HCK: variants seen among roughly 807,000 people sequenced by gnomAD.
The protein encoded by HCK is tyrosine-protein kinase HCK.
A neutral mutation model predicts 70.4 loss-of-function variants in HCK; 40 were observed. The observed-to-expected ratio is 0.57, with a 90% CI of 0.44 to 0.74. The LOEUF (loss-of-function observed/expected upper bound fraction) is 0.74, where lower values mean the gene tolerates loss of function less well. HCK is among the 30% of genes least tolerant of loss of function. The pLI, the probability that HCK is intolerant of heterozygous loss-of-function variation, is 0.00. For synonymous variants in HCK, 245 were observed against 263.2 expected, an observed-to-expected ratio of 0.93 and a Z score of 0.67; for missense variants, 568 against 697.2, an observed-to-expected ratio of 0.81 and a Z score of 2.09.
At chr20:32,053,776 C>T (rs562666523) in intron 1 of HCK, among the ~76,000 whole-genome samples, 1 of 152,118 alleles carries the variant, frequency 6.6e-6, no homozygotes, top group East Asian at 1.9e-4. Flanking sequence ...CCTACATCAG[C>T]ATCACCTGGA....
chr20:32,053,748 C>T (rs954910783), intron 1 of HCK, among the ~76,000 whole-genome samples: 1 of 152,038 alleles, frequency 6.6e-6, no homozygotes, highest in Non-Finnish European at 1.5e-5. Flanking sequence ...CATATGGCCC[C>T]GTGTTCTCAG....
chr20:32,069,831 C>T lies in HCK; in HGVS notation c.63-1831C>T, dbSNP rs572268870. 5.9e-5 allele frequency: 61 copies of T among 1,032,910 alleles called. 1 individual carries two copies. The South Asian group carries it at 6.5e-4, about 11-fold the overall frequency. 64.0% of individuals were successfully genotyped at this position (1,032,910 alleles called of 1,614,324 possible). A position where few individuals can be genotyped will look rare whatever the true frequency, so the allele number is the denominator to read the frequency against. On this transcript the variant is annotated intron_variant, in intron 1 of 12. Coordinates refer to ENST00000375852, the MANE Select transcript of HCK (RefSeq NM_002110.5). ...AAGCCTAGGAGTTTGGGGTTTTTTTCCTTAAACCACAAATACATGTTTATT... is the reference window on the plus strand; with the variant it reads ...AAGCCTAGGAGTTTGGGGTTTTTTTTCTTAAACCACAAATACATGTTTATT...
intron 1 of HCK, among the ~76,000 whole-genome samples, chr20:32,060,582 C>T (rs535081793): frequency 6.6e-6 from 1 of 152,288 alleles, no homozygotes; most frequent in East Asian, 1.9e-4. Context: ...CTGGGGGCAT[C>T]CAGCAGACTA....
chr20:32,076,778 A>G lies in HCK; in HGVS notation c.428+2057A>G, dbSNP rs192022132. On this transcript the variant is annotated intron_variant, in intron 5 of 12. Coordinates refer to ENST00000375852, the MANE Select transcript of HCK (RefSeq NM_002110.5). ...TGCTGCTCCAGGGACCCAGCTTGGG[A>G]ACCACTGATCTAAATACGCATATCT... Among the ~76,000 whole-genome samples, 525 of 152,114 alleles carry G rather than the reference A, an allele frequency of 3.5e-3. 1 individual carries two copies. Among genetic ancestry groups the G allele is most frequent in the African/African-American group, 0.012 (496 of 41,480 alleles).
At chr20:32,067,593 C>T (rs1324601715) in intron 1 of HCK, among the ~76,000 whole-genome samples, 4 of 125,380 alleles carry the variant, frequency 3.2e-5, no homozygotes. Context: ...CTTCCTACTA[C>T]ATAAAGTATG....
intron 6 of HCK, among the ~76,000 whole-genome samples, chr20:32,081,755 C>T (rs2045712065): frequency 6.6e-6 from 1 of 152,210 alleles, no homozygotes. Flanking sequence ...CAAAGCTGTG[C>T]ACAGCCCAGC....
chr20:32,083,705 G>A (rs991111093), intron 6 of HCK, among the ~76,000 whole-genome samples, 189 bp from the exon 7 acceptor site: 5 of 152,316 alleles, frequency 3.3e-5, no homozygotes, highest in Middle Eastern at 6.8e-3. Context: ...AAGGTCTCAC[G>A]GGTGGATGTG....
At chr20:32,094,042 A>ACGTTGCC (rs1176101537) in intron 11 of HCK, 26 bp downstream of exon 11, 1 of 1,599,688 alleles carries the variant, frequency 6.3e-7, no homozygotes, top group Non-Finnish European at 8.5e-7. Flanking sequence ...AAGCAGCCCC[A>ACGTTGCC]CGTTGCCCAT....
chr20:32,083,224 A>G (rs2045731651), intron 6 of HCK, among the ~76,000 whole-genome samples: 1 of 152,156 alleles, frequency 6.6e-6, no homozygotes, highest in Non-Finnish European at 1.5e-5. Context: ...GGCTACCTGG[A>G]TCATCTGGAA....
chr20:32,071,531 C>G, intron 1 of HCK, 131 bp from the exon 2 acceptor site: 1 of 1,112,794 alleles, frequency 9.0e-7, no homozygotes, highest in Non-Finnish European at 1.3e-6. Context: ...ATGGAGCTGG[C>G]AGGGGAGTTA....
At chr20:32,095,397 A>G (rs894111247) in intron 11 of HCK, among the ~76,000 whole-genome samples, 5 of 152,102 alleles carry the variant, frequency 3.3e-5, no homozygotes. Flanking sequence ...CTGGGATTAC[A>G]GGCGCACACC....
chr20:32,092,341 C>T (rs2045876185), intron 10 of HCK, among the ~76,000 whole-genome samples: 1 of 152,168 alleles, frequency 6.6e-6, no homozygotes, highest in African/African-American at 2.4e-5. Flanking sequence ...AGATTATGAT[C>T]ATTCCTGCCT....
At chr20:32,066,351 T>G (rs184980079) in intron 1 of HCK, among the ~76,000 whole-genome samples, 2,057 of 128,746 alleles carry the variant, frequency 0.016, 67 homozygotes, top group African/African-American at 0.05. Flanking sequence ...TTGCTCTGTT[T>G]CCCAGGCTGG....
chr20:32,094,751 A>AAGAAAGAAAGAAAGAAAGAGAGAG (rs1555877786), intron 11 of HCK, among the ~76,000 whole-genome samples: 3 of 87,960 alleles, frequency 3.4e-5, no homozygotes, highest in African/African-American at 1.7e-4. Flanking sequence ...GAAAGAAAGA[A>AAGAAAGAAAGAAAGAAAGAGAGAG]AGAAAGAAAG....
intron 1 of HCK, among the ~76,000 whole-genome samples, chr20:32,059,662 A>G (rs1373731782): frequency 6.6e-6 from 1 of 151,878 alleles, no homozygotes; most frequent in Non-Finnish European, 1.5e-5. Flanking sequence ...TCACAGGCAC[A>G]TGCCACCACA....
At chr20:32,095,267 T>C (rs2045939222) in intron 11 of HCK, among the ~76,000 whole-genome samples, 1 of 152,164 alleles carries the variant, frequency 6.6e-6, no homozygotes, top group Admixed American at 6.5e-5. Flanking sequence ...CAATCTTTTT[T>C]TTTTCTTTGA....
In HCK at chr20:32,076,229, G is replaced by T. The variant is rs552783767; in HGVS notation, c.428+1508G>T. The stretch of plus-strand genomic sequence containing the variant: ...TAGTCCCAGCTACTCGGGAGGCTGA[G>T]GCAGGAGAATCACTTGACTCCAGGG... On this transcript the variant is annotated intron_variant, in intron 5 of 12. Coordinates refer to ENST00000375852, the MANE Select transcript of HCK (RefSeq NM_002110.5). Among the ~76,000 whole-genome samples, 10 of 152,284 alleles carry T rather than the reference G, an allele frequency of 6.6e-5. No individual in the cohort carries two copies. The South Asian group carries it at 2.1e-3, about 32-fold the overall frequency.
chr20:32,082,059 G>A (rs889260690), intron 6 of HCK, among the ~76,000 whole-genome samples: 1 of 152,158 alleles, frequency 6.6e-6, no homozygotes, highest in Admixed American at 6.5e-5. Flanking sequence ...GCTGAGAGGG[G>A]CTCTGGAGCC....
intron 9 of HCK, 37 bp downstream of exon 9, chr20:32,086,844 C>T (rs1600734598): frequency 6.6e-7 from 1 of 1,505,628 alleles, no homozygotes; most frequent in Admixed American, 2.2e-5. Context: ...AGGCTGTGGC[C>T]TATACTGGTC....
Sources: gnomAD v4.1 joint callset for allele counts (sites outside exome capture counted in the v4.1 genomes callset) on GRCh38, gnomAD v4.1.1 for gene constraint, MANE v1.5 for transcripts, NCBI Gene and HGNC (gene_info 2026-07-23, HGNC 2026-07-21) for gene names.